The following CSMD1 variants were observed in gnomAD, a reference collection of about 807,000 sequenced individuals.
CSMD1 encodes CUB and sushi domain-containing protein 1.
Under a neutral mutation model 417.5 loss-of-function variants are expected in CSMD1, and 213 were observed. That is an observed-to-expected ratio of 0.51 (90% CI 0.46 to 0.57). The LOEUF (loss-of-function observed/expected upper bound fraction) is 0.57, where lower values mean the gene tolerates loss of function less well. Among genes scored for constraint, CSMD1 ranks in the 20% least tolerant of loss-of-function variants. CSMD1 has a pLI of 0.00. For synonymous variants in CSMD1, 2,862 were observed against 1,736.8 expected (o/e 1.65, Z -16.11); for missense variants, 6,923 against 4,529.7 (o/e 1.53, Z -15.17).
chr8:4,864,292 C>G (rs538547068), intron 1 of CSMD1, among the ~76,000 whole-genome samples: 1 of 151,812 alleles, frequency 6.6e-6, no homozygotes, highest in African/African-American at 2.4e-5. Flanking sequence ...CACACACACA[C>G]AAATTTAGAA....
At chr8:4,288,494 C>G (rs922654843) in intron 3 of CSMD1, among the ~76,000 whole-genome samples, 3 of 152,192 alleles carry the variant, frequency 2.0e-5, no homozygotes, top group Admixed American at 6.5e-5. Context: ...GGTAATCCCA[C>G]TCTGCCTTTA....
chr8:4,102,895 T>A (rs572428838), intron 3 of CSMD1, among the ~76,000 whole-genome samples: 1 of 152,210 alleles, frequency 6.6e-6, no homozygotes, highest in Non-Finnish European at 1.5e-5. Context: ...CTAAAGGTTA[T>A]AGCAAAGTGC....
intron 1 of CSMD1, among the ~76,000 whole-genome samples, chr8:4,752,749 C>T (rs975825070): frequency 6.6e-6 from 1 of 151,976 alleles, no homozygotes; most frequent in Non-Finnish European, 1.5e-5. Flanking sequence ...GGATTTGCTC[C>T]GTGGAAGGAC....
intron 37 of CSMD1, among the ~76,000 whole-genome samples, chr8:3,180,680 G>C (rs747420): frequency 0.16 from 23,800 of 152,038 alleles, 1,952 homozygotes; most frequent in Non-Finnish European, 0.19. Flanking sequence ...CTGTCACCCG[G>C]GCTGGTGTGC....
At chr8:4,057,167 T>G (rs947409499) in intron 3 of CSMD1, among the ~76,000 whole-genome samples, 1 of 152,206 alleles carries the variant, frequency 6.6e-6, no homozygotes, top group African/African-American at 2.4e-5. Flanking sequence ...GTAGTGTTCC[T>G]ATTTCTCCAC....
chr8:3,475,656 G>A (rs994882518), intron 11 of CSMD1, among the ~76,000 whole-genome samples: 1 of 152,196 alleles, frequency 6.6e-6, no homozygotes, highest in Admixed American at 6.5e-5. Flanking sequence ...ACAGATTTCA[G>A]TGAAGATACT....
chr8:4,188,337 G>T (rs34515053), intron 3 of CSMD1, among the ~76,000 whole-genome samples: 18,342 of 151,792 alleles, frequency 0.12, 1,538 homozygotes, highest in Non-Finnish European at 0.17. Context: ...CCAAATGAAA[G>T]ACAATGCAAA....
chr8:4,336,280 T>A (rs914945054), intron 3 of CSMD1, among the ~76,000 whole-genome samples: 2 of 152,132 alleles, frequency 1.3e-5, no homozygotes, highest in South Asian at 4.1e-4. Context: ...GTATTTTATG[T>A]CAGAAGCTTT....
At chr8:4,411,169 G>T (rs918577919) in intron 3 of CSMD1, among the ~76,000 whole-genome samples, 6 of 151,958 alleles carry the variant, frequency 3.9e-5, no homozygotes, top group African/African-American at 1.5e-4. Context: ...AAATTACCCA[G>T]TCTCAGGTAA....
At chr8:3,125,077 T>C (rs1817423017) in intron 41 of CSMD1, among the ~76,000 whole-genome samples, 1 of 152,234 alleles carries the variant, frequency 6.6e-6, no homozygotes, top group African/African-American at 2.4e-5. Context: ...TTCTCAAATG[T>C]CTTTTCCAAA....
intron 3 of CSMD1, among the ~76,000 whole-genome samples, chr8:4,076,616 T>C (rs919297349): frequency 1.3e-5 from 2 of 152,232 alleles, no homozygotes; most frequent in African/African-American, 2.4e-5. Flanking sequence ...CATTTGATAG[T>C]TGCCTGTTAC....
chr8:4,627,368 T>G (rs962252235), intron 2 of CSMD1, among the ~76,000 whole-genome samples: 1 of 152,144 alleles, frequency 6.6e-6, no homozygotes, highest in African/African-American at 2.4e-5. Flanking sequence ...TATTTATAGC[T>G]CTTTATTGCA....
At chr8:4,474,449 G>C (rs1585136315) in intron 2 of CSMD1, among the ~76,000 whole-genome samples, 2 of 152,168 alleles carry the variant, frequency 1.3e-5, no homozygotes, top group African/African-American at 4.8e-5. Flanking sequence ...AAATTCTGTA[G>C]AATGGAGAGA....
chr8:4,183,302 C>A (rs1798481287), intron 3 of CSMD1, among the ~76,000 whole-genome samples: 1 of 152,028 alleles, frequency 6.6e-6, no homozygotes, highest in African/African-American at 2.4e-5. Flanking sequence ...ACAGAATCAG[C>A]AATTAAATAT....
At chr8:3,185,582 T>A (rs967722853) in intron 36 of CSMD1, among the ~76,000 whole-genome samples, 3 of 152,252 alleles carry the variant, frequency 2.0e-5, no homozygotes, top group African/African-American at 7.2e-5. Context: ...TATTAGGATA[T>A]ATGAAATTAT....
Position 4,928,293 on chromosome 8 carries a change from G to T in CSMD1, c.85+66039C>A, listed in dbSNP as rs531284254. The stretch of plus-strand genomic sequence containing the variant: ...AACAAACTGTCCTGACCTCCCATAT[G>T]TGCACAATCCCCTTTATTTTTCTAC... On this transcript the variant is annotated intron_variant, in intron 1 of 69. Transcript: ENST00000635120. Among the ~76,000 whole-genome samples the T allele has an allele frequency of 3.9e-5, 6 of 152,204 alleles. No individual in the cohort carries two copies. In the South Asian group the frequency reaches 6.2e-4, roughly 16 times the overall value.
At chr8:3,825,226 G>A (rs1307385717) in intron 5 of CSMD1, among the ~76,000 whole-genome samples, 1 of 152,090 alleles carries the variant, frequency 6.6e-6, no homozygotes, top group African/African-American at 2.4e-5. Context: ...TGAATCCAAA[G>A]TCCCATCAAG....
At chr8:3,420,202 A>G (rs898962999) in intron 12 of CSMD1, among the ~76,000 whole-genome samples, 2 of 152,202 alleles carry the variant, frequency 1.3e-5, no homozygotes, top group African/African-American at 4.8e-5. Flanking sequence ...CAACTACTTT[A>G]TGATATTCCT....
chr8:3,412,057 C>T lies in CSMD1; in HGVS notation c.1562-2452G>A, dbSNP rs1259677184. Among the ~76,000 whole-genome samples the T allele has an allele frequency of 1.9e-4, 13 of 66,866 alleles. 2 individuals carry two copies. The highest frequency in any genetic ancestry group is 2.5e-4 in the African/African-American group (4 of 15,940). 43.9% of individuals were successfully genotyped at this position (66,866 alleles called of 152,430 possible). ...ATACACATATATACACGTATATATA[C>T]ACACGTATATATACATATATACATA... On this transcript the variant is annotated intron_variant, in intron 12 of 69. Coordinates refer to ENST00000635120, the MANE Select transcript of CSMD1 (RefSeq NM_033225.6).
Sources: allele counts gnomAD v4.1 joint callset (sites outside exome capture counted in the v4.1 genomes callset), GRCh38; gene constraint gnomAD v4.1.1; transcripts MANE v1.5; gene names NCBI Gene and HGNC (gene_info 2026-07-23, HGNC 2026-07-21).